The following ALDH7A1 variants were observed in gnomAD, a reference collection of about 807,000 sequenced individuals.
ALDH7A1 encodes alpha-aminoadipic semialdehyde dehydrogenase.
A neutral mutation model predicts 79.9 loss-of-function variants in ALDH7A1; 63 were observed. The observed-to-expected ratio is 0.79, with a 90% confidence interval of 0.64 to 0.97. ALDH7A1 has a LOEUF of 0.97. Among genes scored for constraint, ALDH7A1 ranks in the 50% least tolerant of loss-of-function variants. The pLI is 0.00. For synonymous variants in ALDH7A1, 240 were observed against 231.2 expected (o/e 1.04, Z -0.34); for missense variants, 627 against 665.2 (o/e 0.94, Z 0.63).
chr5:126,593,331 A>ACAC lies in ALDH7A1; in HGVS notation c.246+17_246+19dup, dbSNP rs757765046. On this transcript the variant is annotated intron_variant, in intron 2 of 17. Transcript: ENST00000409134. Reference sequence around the variant, plus strand: ...TAAACACACACACACACACACACACACACACACACACACTCTTACCTGTCG... The same window carrying ACAC: ...TAAACACACACACACACACACACACACACCACACACACACACTCTTACCTGTCG... The ACAC allele has an allele frequency of 2.7e-4, 430 of 1,611,510 alleles. No individual in the cohort carries two copies. Among genetic ancestry groups the ACAC allele is most frequent in the Non-Finnish European group, 3.5e-4 (415 of 1,179,444 alleles).
intron 11 of ALDH7A1, among the ~76,000 whole-genome samples, chr5:126,557,594 AAAAG>A (rs1366746777): frequency 3.2e-4 from 49 of 152,032 alleles, no homozygotes; most frequent in Admixed American, 9.2e-4. Context: ...TCAAAAAAAA[AAAAG>A]AAAGAAAGAA....
intron 11 of ALDH7A1, among the ~76,000 whole-genome samples, chr5:126,556,239 CTTTTTT>C (rs35367836): frequency 1.0e-5 from 1 of 97,934 alleles, no homozygotes; most frequent in African/African-American, 3.8e-5. Flanking sequence ...TAAGCCATGT[CTTTTTT>C]TTTTTTTTTT....
Position 126,595,144 on chromosome 5 carries a change from A to T in ALDH7A1, c.55T>A (p.Ser19Thr). The T allele has an allele frequency of 6.4e-7, 1 of 1,563,832 alleles. No individual in the cohort carries two copies. Among genetic ancestry groups the T allele is most frequent in the Non-Finnish European group, 8.7e-7 (1 of 1,153,456 alleles). ...CVHAAKTSKL[S>T]GPWSRPAAFM... ...GCGGCAGGCCTGCTCCAAGGTCCAG[A>T]GAGCTTGCTGGTCTTTGCAGCGTGC... Residue 19 changes from serine to threonine, a missense_variant, in exon 1 of 18, where the codon TCT becomes ACT. Transcript: ENST00000409134.
intron 9 of ALDH7A1, among the ~76,000 whole-genome samples, chr5:126,562,716 C>T (rs1305188401): frequency 3.9e-5 from 6 of 152,030 alleles, no homozygotes; most frequent in East Asian, 2.0e-4. Flanking sequence ...GGCGTGGTGG[C>T]GGATGCCTGT....
At chr5:126,593,256 C>T in intron 2 of ALDH7A1, 95 bp downstream of exon 2, 2 of 1,554,502 alleles carry the variant, frequency 1.3e-6, no homozygotes, top group East Asian at 2.3e-5. Flanking sequence ...GCCTAACTGG[C>T]TTCTGCCTCT....
intron 9 of ALDH7A1, 59 bp from the exon 10 acceptor site, chr5:126,561,183 T>A: frequency 7.5e-7 from 1 of 1,336,906 alleles, no homozygotes; most frequent in Non-Finnish European, 1.0e-6. Flanking sequence ...TACTGCACAC[T>A]GCTACACAGC....
intron 17 of ALDH7A1, among the ~76,000 whole-genome samples, chr5:126,546,107 G>A (rs990665006): frequency 8.5e-5 from 13 of 152,294 alleles, no homozygotes; most frequent in Middle Eastern, 3.4e-3. Flanking sequence ...AACCACGCAC[G>A]AGACCATTTC....
At chr5:126,575,759 T>A (rs1581386956) in intron 6 of ALDH7A1, among the ~76,000 whole-genome samples, 1 of 152,298 alleles carries the variant, frequency 6.6e-6, no homozygotes, top group East Asian at 1.9e-4. Flanking sequence ...AGGAACTGAG[T>A]GAAGCAGAAA....
At chr5:126,578,638 C>CAA (rs70994880) in intron 5 of ALDH7A1, among the ~76,000 whole-genome samples, 1,534 of 90,352 alleles carry the variant, frequency 0.017, 44 homozygotes, top group African/African-American at 0.044. Context: ...GACCCTGTAT[C>CAA]AAAAAAAAAA....
chr5:126,583,884 C>G, intron 4 of ALDH7A1, 48 bp downstream of exon 4: 1 of 1,448,286 alleles, frequency 6.9e-7, no homozygotes, highest in South Asian at 1.1e-5. Context: ...GCATGACAGC[C>G]TTATTGTCCA....
intron 9 of ALDH7A1, among the ~76,000 whole-genome samples, chr5:126,566,943 C>A (rs1273225129): frequency 6.6e-6 from 1 of 152,214 alleles, no homozygotes; most frequent in Non-Finnish European, 1.5e-5. Context: ...TCTTCAAAGA[C>A]TTTCCTCCCC....
intron 5 of ALDH7A1, 127 bp downstream of exon 5, chr5:126,582,724 G>A (rs1751218004): frequency 9.6e-7 from 1 of 1,039,992 alleles, no homozygotes; most frequent in Non-Finnish European, 1.4e-6. Flanking sequence ...AAAGATTGAG[G>A]ATATTTTCAC....
Position 126,595,139 on chromosome 5 carries a change from T to G in ALDH7A1, c.60A>C (p.Gly20=), listed in dbSNP as rs1049214. ...TGAAGGCGGCAGGCCTGCTCCAAGG[T>G]CCAGAGAGCTTGCTGGTCTTTGCAG... ...VHAAKTSKLS[G]PWSRPAAFMS... Residue 20 remains glycine (G), a synonymous_variant, in exon 1 of 18, where the codon GGA becomes GGC. Transcript: ENST00000409134. 1 of 1,566,456 alleles carries G rather than the reference T, an allele frequency of 6.4e-7. No homozygotes were observed. Among genetic ancestry groups the G allele is most frequent in the Admixed American group, 1.9e-5 (1 of 53,340 alleles).
intron 11 of ALDH7A1, among the ~76,000 whole-genome samples, chr5:126,556,986 C>T (rs1266981307): frequency 6.6e-6 from 1 of 151,984 alleles, no homozygotes. Flanking sequence ...ATATTTAAAA[C>T]TAATATAAAA....
At chr5:126,580,754 T>C (rs1369927234) in intron 5 of ALDH7A1, among the ~76,000 whole-genome samples, 1 of 152,120 alleles carries the variant, frequency 6.6e-6, no homozygotes, top group Non-Finnish European at 1.5e-5. Context: ...CCATTGCCAA[T>C]GCAGACATAC....
chr5:126,571,074 C>A, intron 7 of ALDH7A1: 1 of 520,404 alleles, frequency 1.9e-6, no homozygotes. Context: ...CAGACTCTGT[C>A]CTTCTGTCCT....
chr5:126,554,308 G>A lies in ALDH7A1; in HGVS notation c.1179C>T (p.Gly393=). The A allele has an allele frequency of 1.2e-6, 2 of 1,614,006 alleles. No individual in the cohort carries two copies. The highest frequency in any genetic ancestry group is 1.7e-6 in the Non-Finnish European group (2 of 1,179,980). ...TTACCTTGCCCCCATAGACCACTGT[G>A]CCACCTTCTTTCTTTGCTTCTTCCA... ...GAVEEAKKEG[G]TVVYGGKVMD... Residue 393 remains glycine, a synonymous_variant, in exon 13 of 18, where the codon GGC becomes GGT. Transcript: ENST00000409134.
chr5:126,554,577 G>GAACA, intron 12 of ALDH7A1, 184 bp from the exon 13 acceptor site: 1 of 636,768 alleles, frequency 1.6e-6, no homozygotes, highest in Non-Finnish European at 2.8e-6. Context: ...GAGGACATAC[G>GAACA]TGATCTCCAT....
At chr5:126,578,791 G>A (rs139846732) in intron 5 of ALDH7A1, among the ~76,000 whole-genome samples, 151 of 152,176 alleles carry the variant, frequency 9.9e-4, no homozygotes, top group African/African-American at 3.5e-3. Context: ...CATACCACAC[G>A]AATACGATGG....
Sources: gnomAD v4.1 joint callset for allele counts (sites outside exome capture counted in the v4.1 genomes callset) on GRCh38, gnomAD v4.1.1 for gene constraint, MANE v1.5 for transcripts, NCBI Gene and HGNC (gene_info 2026-07-23, HGNC 2026-07-21) for gene names.